Variants in CAMK4 observed in about 807,000 individuals in gnomAD.
CAMK4 encodes calcium/calmodulin-dependent protein kinase type IV.
Under a neutral mutation model 44.9 loss-of-function variants are expected in CAMK4, and 22 were observed. The ratio of observed to expected loss-of-function variants is 0.49; its 90% CI spans 0.35 to 0.70. CAMK4 has a LOEUF of 0.70. Among genes scored for constraint, CAMK4 ranks in the 30% least tolerant of loss-of-function variants. The probability of loss-of-function intolerance (pLI) is 0.01; values close to 1 mark genes in which losing one functional copy is unlikely to be tolerated. For synonymous variants in CAMK4, 218 were observed against 215.4 expected, an observed-to-expected ratio of 1.01 and a Z score of -0.11; for missense variants, 498 against 586.8, an observed-to-expected ratio of 0.85 and a Z score of 1.56.
At chr5:111,470,562 G>T (rs796895701) in intron 7 of CAMK4, among the ~76,000 whole-genome samples, 3 of 152,218 alleles carry the variant, frequency 2.0e-5, no homozygotes, top group African/African-American at 7.2e-5. Flanking sequence ...AGAGACTTTT[G>T]TAAGTGATAA....
chr5:111,282,204 T>A (rs537714440), intron 1 of CAMK4, among the ~76,000 whole-genome samples: 1 of 152,368 alleles, frequency 6.6e-6, no homozygotes, highest in South Asian at 2.1e-4. Context: ...TGGGCCACTC[T>A]GATAGATGCT....
At chr5:111,240,187 T>C (rs1359847233) in intron 1 of CAMK4, among the ~76,000 whole-genome samples, 1 of 152,104 alleles carries the variant, frequency 6.6e-6, no homozygotes, top group East Asian at 1.9e-4. Context: ...CTCTTCTTCA[T>C]AGATTAATTT....
intron 5 of CAMK4, among the ~76,000 whole-genome samples, chr5:111,405,585 C>G (rs979538657): frequency 2.0e-5 from 3 of 152,036 alleles, no homozygotes; most frequent in African/African-American, 2.4e-5. Context: ...AATAAAGGTA[C>G]AAAGGCACAA....
intron 1 of CAMK4, among the ~76,000 whole-genome samples, chr5:111,260,224 G>A (rs930565016): frequency 6.6e-6 from 1 of 152,052 alleles, no homozygotes; most frequent in African/African-American, 2.4e-5. Flanking sequence ...GGTCACTAAA[G>A]CTGCTAACAG....
intron 4 of CAMK4, among the ~76,000 whole-genome samples, chr5:111,381,821 C>T (rs306120): frequency 0.37 from 56,510 of 151,916 alleles, 10,983 homozygotes; most frequent in Non-Finnish European, 0.43. Context: ...AATTCACATA[C>T]GGTTTTAAAT....
intron 2 of CAMK4, among the ~76,000 whole-genome samples, chr5:111,356,948 AG>A (rs1485618124): frequency 6.6e-6 from 1 of 151,842 alleles, no homozygotes; most frequent in Non-Finnish European, 1.5e-5. Context: ...AGAAAGACAG[AG>A]AGAGAGAGAC....
chr5:111,361,168 C>T (rs904737793), intron 2 of CAMK4, among the ~76,000 whole-genome samples: 2 of 151,876 alleles, frequency 1.3e-5, no homozygotes, highest in African/African-American at 2.4e-5. Flanking sequence ...CCATTGAACC[C>T]TAAGATGTAA....
rs80238936 is a variant in CAMK4, at chr5:111,414,544, C to A, written c.459+19762C>A. On this transcript the variant is annotated intron_variant, in intron 5 of 10. Transcript: ENST00000282356. ...TATTAGTTAACATAATTTTGCTAGC[C>A]TGATTCAGGGCAATAAGACATGACA... Among the ~76,000 whole-genome samples the A allele has an allele frequency of 7.3e-3, 1,111 of 152,048 alleles. 14 individuals carry two copies. Among genetic ancestry groups the A allele is most frequent in the African/African-American group, 0.025 (1,057 of 41,452 alleles).
At chr5:111,446,474 CA>C (rs1239679977) in intron 5 of CAMK4, among the ~76,000 whole-genome samples, 3 of 152,124 alleles carry the variant, frequency 2.0e-5, no homozygotes, top group Non-Finnish European at 4.4e-5. Context: ...AGATTCTATA[CA>C]ATTTAAATTG....
intron 1 of CAMK4, among the ~76,000 whole-genome samples, chr5:111,335,082 C>T (rs1660933): frequency 0.42 from 63,525 of 151,172 alleles, 13,877 homozygotes; most frequent in South Asian, 0.58. Context: ...GCAGTACTTC[C>T]AGACTTCTGT....
chr5:111,322,128 T>A (rs989147264), intron 1 of CAMK4, among the ~76,000 whole-genome samples: 1 of 152,002 alleles, frequency 6.6e-6, no homozygotes, highest in Non-Finnish European at 1.5e-5. Context: ...AGGGCTGTGA[T>A]CATTGAGAGA....
At chr5:111,330,450 A>C (rs1045097286) in intron 1 of CAMK4, among the ~76,000 whole-genome samples, 5 of 151,024 alleles carry the variant, frequency 3.3e-5, no homozygotes, top group African/African-American at 1.2e-4. Flanking sequence ...CCTAATTAAA[A>C]TCCTAGCAGG....
At chr5:111,242,584 T>G (rs1441529053) in intron 1 of CAMK4, among the ~76,000 whole-genome samples, 1 of 152,122 alleles carries the variant, frequency 6.6e-6, no homozygotes, top group African/African-American at 2.4e-5. Flanking sequence ...AGGCCAAGTT[T>G]GATAATGTCA....
chr5:111,478,568 G>A, intron 9 of CAMK4, 61 bp downstream of exon 9: 2 of 875,942 alleles, frequency 2.3e-6, no homozygotes, highest in Non-Finnish European at 1.6e-6. Context: ...ACTAATTAAT[G>A]GGAAGTACAA....
intron 8 of CAMK4, among the ~76,000 whole-genome samples, chr5:111,477,508 C>G (rs556197309): frequency 3.3e-5 from 5 of 152,050 alleles, no homozygotes; most frequent in Non-Finnish European, 5.9e-5. Flanking sequence ...TAAGCAGTTC[C>G]CTCTTGGTCC....
chr5:111,373,709 C>T (rs1561447287), intron 2 of CAMK4, among the ~76,000 whole-genome samples: 1 of 152,088 alleles, frequency 6.6e-6, no homozygotes, highest in Non-Finnish European at 1.5e-5. Context: ...TTGGATATGC[C>T]TATAGAGTTT....
intron 1 of CAMK4, among the ~76,000 whole-genome samples, chr5:111,339,623 C>T (rs887764764): frequency 2.0e-5 from 3 of 151,444 alleles, no homozygotes; most frequent in Non-Finnish European, 4.4e-5. Flanking sequence ...ATTTTGACTA[C>T]TATAGCTTTG....
At chr5:111,386,508 A>G (rs1487382947) in intron 4 of CAMK4, among the ~76,000 whole-genome samples, 3 of 152,232 alleles carry the variant, frequency 2.0e-5, no homozygotes, top group East Asian at 1.9e-4. Flanking sequence ...TGATCAGATT[A>G]GAGCTCTTCA....
At chr5:111,483,974 T>G in intron 10 of CAMK4, 52 bp from the exon 11 acceptor site, 2 of 1,361,166 alleles carry the variant, frequency 1.5e-6, no homozygotes, top group African/African-American at 1.5e-5. Context: ...TGAGCTCTGA[T>G]GTGGGGTGTT....
Sources: gnomAD v4.1 joint callset for allele counts (sites outside exome capture counted in the v4.1 genomes callset) on GRCh38, gnomAD v4.1.1 for gene constraint, MANE v1.5 for transcripts, NCBI Gene and HGNC (gene_info 2026-07-23, HGNC 2026-07-21) for gene names.